The following APBB2 variants were observed in gnomAD, a reference collection of about 807,000 sequenced individuals.
APBB2 encodes the protein Fe65-like 1.
APBB2 carries 38 observed loss-of-function variants against 82.5 expected under a neutral mutation model. That is an observed-to-expected ratio of 0.46 (90% CI 0.36 to 0.60). The LOEUF is 0.60. Ranked by LOEUF, APBB2 falls within the 20% of genes least tolerant of loss-of-function variation. The pLI is 0.00. For synonymous variants in APBB2, 341 were observed against 368.2 expected (o/e 0.93, Z 0.85); for missense variants, 772 against 972.3 (o/e 0.79, Z 2.74).
chr4:40,949,976 C>T (rs1789634222), intron 6 of APBB2, among the ~76,000 whole-genome samples: 1 of 152,094 alleles, frequency 6.6e-6, no homozygotes, highest in Non-Finnish European at 1.5e-5. Context: ...ACTGGACAGC[C>T]TAAAACGCAC....
At chr4:40,853,771 T>C (rs1018373970) in intron 12 of APBB2, among the ~76,000 whole-genome samples, 2 of 152,114 alleles carry the variant, frequency 1.3e-5, no homozygotes, top group Non-Finnish European at 2.9e-5. Context: ...CTCAGTGCTT[T>C]CTATTCACTC....
At chr4:40,864,256 A>AAGAAC (rs566204887) in intron 12 of APBB2, among the ~76,000 whole-genome samples, 1 of 149,894 alleles carries the variant, frequency 6.7e-6, no homozygotes, top group Non-Finnish European at 1.5e-5. Context: ...CCGTCTCAAT[A>AAGAAC]AAAACAAAAC....
At chr4:41,202,869 A>C (rs1050423080) in intron 1 of APBB2, among the ~76,000 whole-genome samples, 1 of 152,244 alleles carries the variant, frequency 6.6e-6, no homozygotes, top group African/African-American at 2.4e-5. Flanking sequence ...TGCAGAATGT[A>C]GGCAAACGTT....
At chr4:40,977,043 C>CAA (rs60333485) in intron 6 of APBB2, among the ~76,000 whole-genome samples, 12 of 149,070 alleles carry the variant, frequency 8.0e-5, no homozygotes, top group African/African-American at 2.2e-4. Context: ...GACTTTGTCT[C>CAA]AAAAAAAAAT....
chr4:41,202,472 G>C (rs1293492121), intron 1 of APBB2, among the ~76,000 whole-genome samples: 1 of 151,958 alleles, frequency 6.6e-6, no homozygotes, highest in Non-Finnish European at 1.5e-5. Flanking sequence ...ATTGCTAACA[G>C]GATATAAAAA....
intron 5 of APBB2, among the ~76,000 whole-genome samples, chr4:41,018,926 G>A (rs532911052): frequency 1.3e-5 from 2 of 152,282 alleles, no homozygotes; most frequent in South Asian, 4.1e-4. Context: ...TAGGTATGGG[G>A]GTGAAAGTCT....
chr4:40,965,929 C>T (rs893375615), intron 6 of APBB2, among the ~76,000 whole-genome samples: 3 of 152,174 alleles, frequency 2.0e-5, no homozygotes, highest in African/African-American at 4.8e-5. Flanking sequence ...GCACTCATAA[C>T]GTTCTACTGC....
At chr4:41,015,691 G>A (rs965626980) in intron 5 of APBB2, among the ~76,000 whole-genome samples, 3 of 152,178 alleles carry the variant, frequency 2.0e-5, no homozygotes, top group Non-Finnish European at 4.4e-5. Flanking sequence ...GTATGACCAT[G>A]TGGCCCATAA....
chr4:41,107,251 C>T (rs1747601496), intron 2 of APBB2, among the ~76,000 whole-genome samples: 2 of 152,114 alleles, frequency 1.3e-5, no homozygotes, highest in South Asian at 4.1e-4. Context: ...ACGGAGGTTA[C>T]AGTGAGCTGA....
intron 1 of APBB2, among the ~76,000 whole-genome samples, chr4:41,169,790 TA>T (rs1369711937): frequency 6.6e-6 from 1 of 151,986 alleles, no homozygotes; most frequent in African/African-American, 2.4e-5. Context: ...ATTTTTATAG[TA>T]TTTTACCAGA....
intron 1 of APBB2, among the ~76,000 whole-genome samples, chr4:41,188,499 C>T (rs73142390): frequency 0.012 from 1,852 of 152,246 alleles, 42 homozygotes; most frequent in African/African-American, 0.041. Flanking sequence ...AGATCCTCTA[C>T]GAGCTTTCTG....
intron 1 of APBB2, among the ~76,000 whole-genome samples, chr4:41,163,008 T>C (rs1199978582): frequency 6.6e-6 from 1 of 152,218 alleles, no homozygotes; most frequent in African/African-American, 2.4e-5. Context: ...ATAAGCTCTA[T>C]AATGTTAATT....
intron 12 of APBB2, among the ~76,000 whole-genome samples, chr4:40,843,479 A>G (rs1015546856): frequency 6.6e-6 from 1 of 152,184 alleles, no homozygotes; most frequent in African/African-American, 2.4e-5. Context: ...AAACAACAAA[A>G]TGTTTGCATG....
intron 3 of APBB2, among the ~76,000 whole-genome samples, chr4:41,076,185 T>C (rs1385908534): frequency 1.3e-5 from 2 of 152,168 alleles, no homozygotes; most frequent in African/African-American, 4.8e-5. Context: ...TAGACAGAAT[T>C]GTCAGGAAGT....
At chr4:40,887,527 C>T (rs2154349778) in intron 12 of APBB2, among the ~76,000 whole-genome samples, 1 of 151,972 alleles carries the variant, frequency 6.6e-6, no homozygotes, top group South Asian at 2.1e-4. Flanking sequence ...TGAATTTGCT[C>T]TTGTAAATTG....
At chr4:41,173,398 G>A (rs1262455555) in intron 1 of APBB2, among the ~76,000 whole-genome samples, 2 of 152,176 alleles carry the variant, frequency 1.3e-5, no homozygotes, top group Non-Finnish European at 2.9e-5. Context: ...ACCAAATACG[G>A]AGATTTCTTC....
chr4:41,122,964 G>A (rs1300802046), intron 2 of APBB2, among the ~76,000 whole-genome samples: 1 of 152,086 alleles, frequency 6.6e-6, no homozygotes, highest in Non-Finnish European at 1.5e-5. Context: ...CTCCACCTGG[G>A]GGCCTATGCC....
At chr4:40,985,175 A>G (rs553327125) in intron 6 of APBB2, among the ~76,000 whole-genome samples, 96 of 152,180 alleles carry the variant, frequency 6.3e-4, no homozygotes, top group Non-Finnish European at 1.2e-3. Context: ...TCAGCCTCCA[A>G]CGTGTTGGGA....
intron 10 of APBB2, among the ~76,000 whole-genome samples, chr4:40,918,229 C>T (rs966948246): frequency 5.4e-5 from 8 of 148,648 alleles, no homozygotes; most frequent in Non-Finnish European, 9.0e-5. Flanking sequence ...CATCCCCACA[C>T]TGGCTAGTAC....
Sources: allele counts gnomAD v4.1 joint callset (sites outside exome capture counted in the v4.1 genomes callset), GRCh38; gene constraint gnomAD v4.1.1; transcripts MANE v1.5; gene names NCBI Gene and HGNC (gene_info 2026-07-23, HGNC 2026-07-21).